The following PKD1 variants were observed in gnomAD, a reference collection of about 807,000 sequenced individuals.
PKD1 encodes the protein polycystin 1, transient receptor potential channel interacting.
In PKD1, 81 loss-of-function variants were observed where a neutral mutation model predicts 361.7. The ratio of observed to expected loss-of-function variants is 0.22; its 90% CI spans 0.19 to 0.27. The LOEUF is 0.27. Ranked by LOEUF, PKD1 falls within the 10% of genes least tolerant of loss-of-function variation. PKD1 has a pLI of 1.00. For missense variants in PKD1, 6,399 were observed against 6,118.3 expected (o/e 1.05, Z -1.53); for synonymous variants, 3,615 against 2,818.3 (o/e 1.28, Z -8.95).
chr16:2,088,722 C>CTCTT lies in PKD1; in HGVS notation c.*1001_*1004dup. The stretch of plus-strand genomic sequence containing the variant: ...AGAGGCACAGATTGCAGTCAGACAG[C>CTCTT]TCTTTTATTGACTTTGTCTGCTTGG... On this transcript the variant is annotated 3_prime_UTR_variant, in exon 46 of 46. Coordinates refer to ENST00000262304, the MANE Select transcript of PKD1 (RefSeq NM_001009944.3). The CTCTT allele has an allele frequency of 1.4e-6, 2 of 1,400,306 alleles. No individual in the cohort carries two copies. The highest frequency in any genetic ancestry group is 1.9e-6 in the Non-Finnish European group (2 of 1,035,822). 86.7% of individuals were successfully genotyped at this position (1,400,306 alleles called of 1,614,324 possible).
At chr16:2,105,715 G>C in intron 20 of PKD1, 150 bp downstream of exon 20, 3 of 1,286,034 alleles carry the variant, frequency 2.3e-6, no homozygotes, top group Non-Finnish European at 3.3e-6. Flanking sequence ...TGGCTGCTGG[G>C]AGCGGAAGGT....
chr16:2,125,753 T>G (rs2092790422), intron 1 of PKD1, among the ~76,000 whole-genome samples: 1 of 151,632 alleles, frequency 6.6e-6, no homozygotes, highest in Non-Finnish European at 1.5e-5. Flanking sequence ...AAGGGGAGAA[T>G]GAGGGCCGGC....
At position 2,111,628 on chromosome 16, in the gene PKD1, G is replaced by A; in HGVS notation, c.3539C>T (p.Thr1180Ile). 1 of 1,575,544 alleles carries A rather than the reference G, an allele frequency of 6.3e-7. No homozygotes were observed. Among genetic ancestry groups the A allele is most frequent in the Non-Finnish European group, 8.6e-7 (1 of 1,161,904 alleles). The change falls in exon 15 of 46, where the codon ACC (threonine) becomes ATC (isoleucine). Residue 1180 changes from threonine (T) to isoleucine (I), a missense_variant. Physicochemically the swap from Thr to Ile is moderately conservative, Grantham distance 89 (BLOSUM62 -1). Coordinates refer to ENST00000262304, the MANE Select transcript of PKD1 (RefSeq NM_001009944.3). Reference sequence around the variant, plus strand: ...GTGGTAGGTGCCCCTCGAGGCATAGGTGTGGTTGGCAGCCGGCTGGCTCTG... The same window carrying A: ...GTGGTAGGTGCCCCTCGAGGCATAGATGTGGTTGGCAGCCGGCTGGCTCTG... ...LTQSQPAANH[T>I]YASRGTYHVR... is the part of the protein sequence containing the mutation.
chr16:2,122,027 G>GA (rs2092728747), intron 1 of PKD1, among the ~76,000 whole-genome samples: 1 of 152,270 alleles, frequency 6.6e-6, no homozygotes, highest in Non-Finnish European at 1.5e-5. Flanking sequence ...CCCGGCGCAG[G>GA]AGAGACGCAC....
At position 2,106,830 on chromosome 16, in the gene PKD1, T is replaced by C. The variant is rs558758007; in HGVS notation, c.7184A>G (p.Asn2395Ser). The C allele has an allele frequency of 6.9e-6, 10 of 1,453,530 alleles. No homozygotes were observed. In the East Asian group the frequency reaches 2.1e-4, roughly 30 times the overall value. The allele number at this position is 1,453,530 out of a possible 1,614,324, so 90.0% of individuals were successfully genotyped here. A position where few individuals can be genotyped will look rare whatever the true frequency, so the allele number is the denominator to read the frequency against. ...CCCTCGCTTGGAGCCGCTGCTGCAA[T>C]TGAGGCAGCGGCCCTCCAAGTACAC... ...SYVYLEGRCL[N>S]CSSGSKRGRW... Residue 2395 changes from asparagine to serine, a missense_variant, in exon 17 of 46, where the codon AAT (asparagine) becomes AGT (serine). Coordinates refer to ENST00000262304, the MANE Select transcript of PKD1 (RefSeq NM_001009944.3). This position sits in a 1 kb window ranked among gnomAD's most constrained non-coding sequence, Gnocchi z 6.5.
chr16:2,113,672 C>A, intron 11 of PKD1: 1 of 389,050 alleles, frequency 2.6e-6, no homozygotes, highest in Non-Finnish European at 4.8e-6. Context: ...CTTACAGAAC[C>A]CAGGACAGGC....
rs763055781 is a variant in PKD1 at position 2,106,753 on chromosome 16, C to T, written c.7209+52G>A. ...CCACTTCTGCCTGCAGGCCCCGTCCCCTCGGCCATGGGACCCATCCCCAGC... is the reference window on the plus strand; with the variant it reads ...CCACTTCTGCCTGCAGGCCCCGTCCTCTCGGCCATGGGACCCATCCCCAGC... On this transcript the variant is annotated intron_variant, in intron 17 of 45. Coordinates refer to ENST00000262304, the MANE Select transcript of PKD1 (RefSeq NM_001009944.3). The surrounding 1 kb of genome is among the most constrained non-coding windows in gnomAD (Gnocchi z 6.5). 21 of 1,507,664 alleles carry T rather than the reference C, an allele frequency of 1.4e-5. No individual in the cohort carries two copies. The highest frequency in any genetic ancestry group is 1.8e-5 in the Non-Finnish European group (20 of 1,105,554). The allele number at this position is 1,507,664 out of a possible 1,614,324, so 93.4% of individuals were successfully genotyped here. A position where few individuals can be genotyped will look rare whatever the true frequency, so the allele number is the denominator to read the frequency against.
rs2151749645 is a variant in PKD1, at chr16:2,102,436, G to A, written c.9146C>T (p.Thr3049Ile). The change falls in exon 25 of 46, where the codon ACC (threonine) becomes ATC (isoleucine). Residue 3049 changes from threonine to isoleucine, a missense_variant. Transcript: ENST00000262304. ...RQAVCLTRHL[T>I]AFGASLFVPP... is the part of the protein sequence containing the mutation. The stretch of plus-strand genomic sequence containing the variant: ...CACGAAGAGGCTGGCGCCGAAGGCG[G>A]TGAGGTGGCGGGTGAGGCAGACGGC... The A allele has an allele frequency of 6.4e-7, 1 of 1,552,118 alleles. No individual in the cohort carries two copies. Among genetic ancestry groups the A allele is most frequent in the Non-Finnish European group, 8.7e-7 (1 of 1,149,430 alleles).
intron 1 of PKD1, among the ~76,000 whole-genome samples, chr16:2,120,463 G>A (rs1281272949): frequency 6.6e-6 from 1 of 152,196 alleles, no homozygotes; most frequent in African/African-American, 2.4e-5. Context: ...GGTGGCTTAT[G>A]CCTGTAAACC....
rs1459109429 is a variant in PKD1 at position 2,088,843 on chromosome 16, C to T, written c.*884G>A. 6.8e-6 allele frequency: 4 copies of T among 590,324 alleles called. No homozygotes were observed. The highest frequency in any genetic ancestry group is 4.6e-4 in the Middle Eastern group (1 of 2,172). The allele number at this position is 590,324 out of a possible 1,614,324, so 36.6% of individuals were successfully genotyped here. On this transcript the variant is annotated 3_prime_UTR_variant, in exon 46 of 46. Coordinates refer to ENST00000262304, the MANE Select transcript of PKD1 (RefSeq NM_001009944.3). ...ACAGCCAGCTCCGAGGGCCTTGAGG[C>T]TGCCTGGGCCATACAGCACACTCGC...
At chr16:2,135,368 C>T in intron 1 of PKD1, 107 bp downstream of exon 1, 3 of 1,062,974 alleles carry the variant, frequency 2.8e-6, no homozygotes, top group Non-Finnish European at 3.4e-6. Context: ...GAGCCTCGCC[C>T]TGGGAGCGTC....
At position 2,109,857 on chromosome 16, in the gene PKD1, G is replaced by A. The variant is rs372888827; in HGVS notation, c.5310C>T (p.Ser1770=). Residue 1770 remains serine (S), a synonymous_variant, in exon 15 of 46, where the codon AGC becomes AGT. Transcript: ENST00000262304. ...WETSEPFTTH[S]FPTPGLHLVT... ...CCAAGTGCAGGCCGGGTGTGGGGAA[G>A]CTATGGGTGGTAAATGGCTCGGAGG... 41 of 1,610,574 alleles carry A rather than the reference G, an allele frequency of 2.5e-5. No individual in the cohort carries two copies. Among genetic ancestry groups the A allele is most frequent in the South Asian group, 9.9e-5 (9 of 90,998 alleles).
In PKD1 at chr16:2,111,883, G is replaced by A. The variant is rs1365959411; in HGVS notation, c.3296-12C>T. ...CAGGAGGTACTCACCTGTGGGGACA[G>A]GCCCGAGTGGGGCAGCCGCGGCACC... On this transcript the variant is annotated splice_polypyrimidine_tract_variant and intron_variant, in intron 14 of 45. Coordinates refer to ENST00000262304, the MANE Select transcript of PKD1 (RefSeq NM_001009944.3). The A allele has an allele frequency of 3.1e-6, 5 of 1,609,732 alleles. No individual in the cohort carries two copies. The South Asian group carries it at 3.3e-5, about 11-fold the overall frequency.
chr16:2,113,367 C>T (rs1170254309), intron 11 of PKD1, 75 bp from the exon 12 acceptor site: 7 of 1,415,008 alleles, frequency 4.9e-6, no homozygotes, highest in Non-Finnish European at 5.8e-6. Context: ...GGACACACCT[C>T]CCGTCGGGCT....
intron 12 of PKD1, 93 bp from the exon 13 acceptor site, chr16:2,113,056 C>T (rs866120231): frequency 1.7e-4 from 235 of 1,359,036 alleles, no homozygotes; most frequent in African/African-American, 6.8e-4. Context: ...GCCATGGCAG[C>T]GTCCTCGGGC....
Position 2,108,394 on chromosome 16 carries a change from G to A in PKD1, c.6773C>T (p.Pro2258Leu), listed in dbSNP as rs1427725537. ...NVTVAPERLV[P>L]IIEGGSYRVW... ...GCGGTATGAGCCACCCTCAATGATG[G>A]GCACCAGGCGCTCGGGGGCCACCGT... is the stretch of plus-strand genomic sequence containing the variant. The change falls in exon 15 of 46, where the codon CCC (proline) becomes CTC (leucine). Residue 2258 changes from proline to leucine, a missense_variant. Transcript: ENST00000262304. The A allele has an allele frequency of 6.2e-7, 1 of 1,610,562 alleles. No homozygotes were observed. Among genetic ancestry groups the A allele is most frequent in the Admixed American group, 1.7e-5 (1 of 60,018 alleles).
chr16:2,120,806 C>G (rs1352316916), intron 1 of PKD1, among the ~76,000 whole-genome samples: 4 of 152,102 alleles, frequency 2.6e-5, no homozygotes, highest in Non-Finnish European at 1.5e-5. Flanking sequence ...ATCATGAGAT[C>G]AAGAGATCGA....
intron 14 of PKD1, among the ~76,000 whole-genome samples, chr16:2,112,128 G>A (rs141694740): frequency 0.011 from 1,627 of 152,344 alleles, 12 homozygotes; most frequent in Non-Finnish European, 0.017. Flanking sequence ...GCCCGGGGAG[G>A]GCGGGGGGCG....
intron 1 of PKD1, 55 bp from the exon 2 acceptor site, chr16:2,119,433 A>G: frequency 8.6e-7 from 1 of 1,165,446 alleles, no homozygotes; most frequent in South Asian, 1.3e-5. Flanking sequence ...GCCAGAGGCC[A>G]TCCCTGGGCC....
Sources: allele counts gnomAD v4.1 joint callset (sites outside exome capture counted in the v4.1 genomes callset), GRCh38; gene constraint gnomAD v4.1.1; non-coding constraint Gnocchi (gnomAD v3.1); transcripts MANE v1.5; gene names NCBI Gene and HGNC (gene_info 2026-07-23, HGNC 2026-07-21).